Variants in SLC24A2 observed in about 807,000 individuals in gnomAD.
The protein encoded by SLC24A2 is solute carrier family 24 member 2.
SLC24A2 carries 36 observed loss-of-function variants against 62.0 expected under a neutral mutation model. That is an observed-to-expected ratio of 0.58 (90% CI 0.44 to 0.77). SLC24A2 has a LOEUF of 0.77. SLC24A2 is among the 30% of genes least tolerant of loss of function. SLC24A2 has a pLI of 0.00. For synonymous variants in SLC24A2, 358 were observed against 294.0 expected (o/e 1.22, Z -2.23); for missense variants, 846 against 817.9 (o/e 1.03, Z -0.42).
chr9:19,848,803 T>G, the SLC24A2 span, among the ~76,000 whole-genome samples: 1 of 152,238 alleles, frequency 6.6e-6, no homozygotes, highest in Non-Finnish European at 1.5e-5. Flanking sequence ...TCAATGGAAT[T>G]ATATCCACTC....
the SLC24A2 span, among the ~76,000 whole-genome samples, chr9:19,890,099 C>T: frequency 4.6e-5 from 7 of 152,298 alleles, no homozygotes; most frequent in East Asian, 5.8e-4. Context: ...GTTGCACACC[C>T]GTCTCTTTCT....
chr9:20,052,766 G>C, the SLC24A2 span, among the ~76,000 whole-genome samples: 1 of 152,252 alleles, frequency 6.6e-6, no homozygotes, highest in Non-Finnish European at 1.5e-5. Flanking sequence ...TGGAAATGTA[G>C]ACTCTTATTC....
chr9:19,829,716 G>A, the SLC24A2 span, among the ~76,000 whole-genome samples: 1 of 150,226 alleles, frequency 6.7e-6, no homozygotes, highest in African/African-American at 2.4e-5. Context: ...ATGACAGAAT[G>A]AGACATTGCC....
At chr9:19,811,176 T>C in the SLC24A2 span, among the ~76,000 whole-genome samples, 1 of 152,062 alleles carries the variant, frequency 6.6e-6, no homozygotes, top group Non-Finnish European at 1.5e-5. Flanking sequence ...AAGAGCTAGC[T>C]CCCTCTCTTT....
chr9:19,530,649 A>G (rs767327110), intron 8 of SLC24A2, among the ~76,000 whole-genome samples: 6 of 152,210 alleles, frequency 3.9e-5, no homozygotes, highest in African/African-American at 7.2e-5. Context: ...AAGGAACTAA[A>G]TTCAAATCAA....
chr9:20,307,182 G>T, the SLC24A2 span, among the ~76,000 whole-genome samples: 4 of 151,950 alleles, frequency 2.6e-5, no homozygotes, highest in Non-Finnish European at 4.4e-5. Flanking sequence ...CCATAAAAAG[G>T]TACACACAAA....
chr9:19,662,778 T>A (rs981892091), intron 2 of SLC24A2, among the ~76,000 whole-genome samples: 1 of 152,224 alleles, frequency 6.6e-6, no homozygotes, highest in Non-Finnish European at 1.5e-5. Context: ...CAATTTGATT[T>A]AATGCCCATT....
chr9:19,668,964 C>T (rs1427532556), intron 2 of SLC24A2, among the ~76,000 whole-genome samples: 2 of 152,192 alleles, frequency 1.3e-5, no homozygotes, highest in African/African-American at 4.8e-5. Flanking sequence ...TATATTTCAT[C>T]AGCCTGTCTC....
At chr9:20,080,812 G>A in the SLC24A2 span, among the ~76,000 whole-genome samples, 4 of 152,052 alleles carry the variant, frequency 2.6e-5, no homozygotes, top group African/African-American at 9.7e-5. Context: ...CAAAAAGTGG[G>A]CGAAGGATAT....
chr9:19,780,049 C>T (rs956550733), intron 2 of SLC24A2, among the ~76,000 whole-genome samples: 5 of 151,842 alleles, frequency 3.3e-5, no homozygotes, highest in African/African-American at 9.7e-5. Context: ...GGCGACAGAG[C>T]GAGACTCCGT....
the SLC24A2 span, among the ~76,000 whole-genome samples, chr9:20,286,512 A>G: frequency 5.3e-5 from 8 of 152,326 alleles, 1 homozygote; most frequent in South Asian, 1.7e-3. Flanking sequence ...TTCTCTTTTA[A>G]AAAAGGTTTT....
chr9:19,813,907 G>A, the SLC24A2 span, among the ~76,000 whole-genome samples: 1 of 152,054 alleles, frequency 6.6e-6, no homozygotes, highest in Non-Finnish European at 1.5e-5. Flanking sequence ...CAGGCACCTT[G>A]ATCTTGGACT....
At chr9:19,759,638 G>C (rs1822254565) in intron 2 of SLC24A2, among the ~76,000 whole-genome samples, 1 of 152,132 alleles carries the variant, frequency 6.6e-6, no homozygotes, top group African/African-American at 2.4e-5. Context: ...TACTCTAGTT[G>C]ACTTTGGTTT....
the SLC24A2 span, among the ~76,000 whole-genome samples, chr9:20,011,099 A>G: frequency 1.3e-5 from 2 of 152,158 alleles, no homozygotes; most frequent in South Asian, 4.1e-4. Flanking sequence ...TAGCAGCATG[A>G]TTTATAATCC....
chr9:19,517,748 C>G (rs1324963213), intron 10 of SLC24A2, among the ~76,000 whole-genome samples: 1 of 151,882 alleles, frequency 6.6e-6, no homozygotes, highest in Non-Finnish European at 1.5e-5. Flanking sequence ...GAGGGGGCAG[C>G]CTTGGCATCC....
intron 4 of SLC24A2, among the ~76,000 whole-genome samples, chr9:19,600,456 A>G (rs1836813084): frequency 6.6e-6 from 1 of 152,250 alleles, no homozygotes; most frequent in Admixed American, 6.5e-5. Context: ...TCACAGGGAC[A>G]GATCTCGATT....
At chr9:20,018,050 C>T in the SLC24A2 span, among the ~76,000 whole-genome samples, 1 of 152,074 alleles carries the variant, frequency 6.6e-6, no homozygotes, top group African/African-American at 2.4e-5. Context: ...GGGTTCATGC[C>T]ATTCTCCTGC....
At chr9:20,118,965 ACT>A in the SLC24A2 span, among the ~76,000 whole-genome samples, 1 of 151,982 alleles carries the variant, frequency 6.6e-6, no homozygotes, top group African/African-American at 2.4e-5. Context: ...TTGCTAGGAG[ACT>A]CACTCCAGAG....
chr9:19,697,665 C>T (rs560925144), intron 2 of SLC24A2, among the ~76,000 whole-genome samples: 3 of 152,082 alleles, frequency 2.0e-5, no homozygotes, highest in South Asian at 2.1e-4. Context: ...TATTATTATA[C>T]CAAGTAGTGA....
Sources: gnomAD v4.1 joint callset for allele counts (sites outside exome capture counted in the v4.1 genomes callset) on GRCh38, gnomAD v4.1.1 for gene constraint, MANE v1.5 for transcripts, NCBI Gene and HGNC (gene_info 2026-07-23, HGNC 2026-07-21) for gene names.